The following RAB3GAP2 variants were observed in gnomAD, a reference collection of about 807,000 sequenced individuals.
RAB3GAP2 encodes rab3 GTPase-activating protein non-catalytic subunit.
In RAB3GAP2, 87 loss-of-function variants were observed where a neutral mutation model predicts 185.3. The observed-to-expected ratio is 0.47, with a 90% confidence interval of 0.39 to 0.56. The LOEUF (loss-of-function observed/expected upper bound fraction) is 0.56, where lower values mean the gene tolerates loss of function less well. Among genes scored for constraint, RAB3GAP2 ranks in the 20% least tolerant of loss-of-function variants. The pLI is 0.00. For missense variants in RAB3GAP2, 1,492 were observed against 1,638.2 expected, an observed-to-expected ratio of 0.91 and a Z score of 1.54; for synonymous variants, 554 against 576.1, an observed-to-expected ratio of 0.96 and a Z score of 0.55.
At chr1:220,251,557 G>A (rs1571929408) in intron 1 of RAB3GAP2, among the ~76,000 whole-genome samples, 1 of 152,238 alleles carries the variant, frequency 6.6e-6, no homozygotes, top group Middle Eastern at 3.4e-3. Context: ...ATTTTAAGAG[G>A]TATGAATTAA....
At position 220,182,838 on chromosome 1, in the gene RAB3GAP2, C is replaced by G; in HGVS notation, c.2092G>C (p.Val698Leu). The change falls in exon 20 of 35, where the codon GTT becomes CTT. Residue 698 changes from valine (V) to leucine (L), a missense_variant. Physicochemically the swap from Val to Leu is conservative, Grantham distance 32. Around this residue, in one of 5 missense-constraint regions of RAB3GAP2, gnomAD observed 681 missense variants for 689.1 expected, o/e 0.99. Transcript: ENST00000358951. ...KYKQENTRTN[V>L]RFSDDKDGVL... ...CCATCTTTATCATCAGAAAATCGAA[C>G]ATTTGTCCTGGTGTTCTCTTGCTTA... The G allele has an allele frequency of 1.2e-6, 2 of 1,613,532 alleles. No individual in the cohort carries two copies. Among genetic ancestry groups the G allele is most frequent in the Non-Finnish European group, 1.7e-6 (2 of 1,179,646 alleles).
At chr1:220,216,887 CTTT>C (rs1001916086) in intron 2 of RAB3GAP2, among the ~76,000 whole-genome samples, 1 of 147,842 alleles carries the variant, frequency 6.8e-6, no homozygotes, top group African/African-American at 2.5e-5. Flanking sequence ...AGTTGCTTTT[CTTT>C]TTTTTTTCAA....
intron 2 of RAB3GAP2, 56 bp from the exon 3 acceptor site, chr1:220,214,035 C>T (rs1053371586): frequency 2.5e-6 from 4 of 1,571,086 alleles, no homozygotes; most frequent in Non-Finnish European, 3.5e-6. Flanking sequence ...TATTCAAACT[C>T]AGCTTGCCTG....
At chr1:220,192,858 A>G (rs1312684101) in intron 13 of RAB3GAP2, among the ~76,000 whole-genome samples, 4 of 152,238 alleles carry the variant, frequency 2.6e-5, no homozygotes, top group Non-Finnish European at 4.4e-5. Flanking sequence ...CAAGTCAGTG[A>G]AGATGGGTTT....
intron 1 of RAB3GAP2, among the ~76,000 whole-genome samples, chr1:220,264,792 T>C (rs1015504650): frequency 5.3e-5 from 8 of 152,152 alleles, no homozygotes; most frequent in African/African-American, 1.9e-4. Context: ...ATGAAGACTT[T>C]CTGGGTTTCC....
intron 9 of RAB3GAP2, among the ~76,000 whole-genome samples, chr1:220,198,949 T>G (rs374583656): frequency 1.8e-3 from 267 of 152,302 alleles, no homozygotes; most frequent in African/African-American, 6.1e-3. Flanking sequence ...GCCATGTGAC[T>G]AGCTAAAGTT....
rs576038177 is a variant in RAB3GAP2, at chr1:220,260,728, C to T, written c.115+11495G>A. On this transcript the variant is annotated intron_variant, in intron 1 of 34. Transcript: ENST00000358951. Reference sequence around the variant, plus strand: ...ATATATAACAAACCTGCACATCCTACACATGCATCCCTGAACTTAAAAGTT... The same window carrying T: ...ATATATAACAAACCTGCACATCCTATACATGCATCCCTGAACTTAAAAGTT... Among the ~76,000 whole-genome samples the T allele has an allele frequency of 2.6e-5, 4 of 152,212 alleles. No individual in the cohort carries two copies. The East Asian group carries it at 5.8e-4, about 22-fold the overall frequency.
At position 220,151,741 on chromosome 1, in the gene RAB3GAP2, T is replaced by C. The variant is rs149415244; in HGVS notation, c.3891A>G (p.Lys1297=). The part of the protein sequence containing the change: ...GEEAILQVHD[K]EVLASQLLVL... ...CCAGCAGCTGAGAGGCAAGGACCTC[T>C]TTGTCATGAACCTGTAGAATGGCCT... is the stretch of plus-strand genomic sequence containing the variant. The change falls in exon 34 of 35, where the codon AAA becomes AAG. Residue 1297 remains lysine, a synonymous_variant. Coordinates refer to ENST00000358951, the MANE Select transcript of RAB3GAP2 (RefSeq NM_012414.4). 4.8e-5 allele frequency: 77 copies of C among 1,611,618 alleles called. No individual in the cohort carries two copies. In the East Asian group the frequency reaches 1.7e-3, roughly 35 times the overall value.
intron 12 of RAB3GAP2, 104 bp downstream of exon 12, chr1:220,194,974 G>C (rs896610095): frequency 2.1e-5 from 24 of 1,156,110 alleles, no homozygotes; most frequent in Admixed American, 3.4e-5. Flanking sequence ...GCTTTCAGAA[G>C]TTCCAAAGAC....
At chr1:220,259,252 C>A (rs1247229490) in intron 1 of RAB3GAP2, among the ~76,000 whole-genome samples, 2 of 152,008 alleles carry the variant, frequency 1.3e-5, no homozygotes, top group Admixed American at 6.6e-5. Context: ...CATATGGAAC[C>A]AAATAAGAGC....
rs1657693856 is a variant in RAB3GAP2 at position 220,149,254 on chromosome 1, A to G, written c.*1997T>C. The stretch of plus-strand genomic sequence containing the variant: ...TTAAAATTCTATGAAAAATTTTAGG[A>G]TAACAAATCTAACTAGAGACTTAAT... On this transcript the variant is annotated 3_prime_UTR_variant, in exon 35 of 35. Coordinates refer to ENST00000358951, the MANE Select transcript of RAB3GAP2 (RefSeq NM_012414.4). 1 of 152,186 alleles carries G rather than the reference A, an allele frequency of 6.6e-6. No individual in the cohort carries two copies. Among genetic ancestry groups the G allele is most frequent in the Non-Finnish European group, 1.5e-5 (1 of 68,026 alleles). The allele number at this position is 152,186 out of a possible 1,614,324, so 9.4% of individuals were successfully genotyped here.
intron 9 of RAB3GAP2, among the ~76,000 whole-genome samples, chr1:220,201,278 T>G (rs1053253228): frequency 4.6e-5 from 7 of 152,092 alleles, no homozygotes; most frequent in African/African-American, 1.7e-4. Flanking sequence ...ACTCTTGGGC[T>G]CAAGAGATCC....
rs1435000439 is a variant in RAB3GAP2 at position 220,158,757 on chromosome 1, AC to A, written c.3261+628del. Among the ~76,000 whole-genome samples the A allele has an allele frequency of 8.3e-6, 1 of 120,192 alleles. No individual in the cohort carries two copies. Among genetic ancestry groups the A allele is most frequent in the Non-Finnish European group, 1.6e-5 (1 of 62,580 alleles). The allele number at this position is 120,192 out of a possible 152,430, so 78.9% of individuals were successfully genotyped here. ...CGCCCTGCCATATAATCTTTTTAAA[AC>A]CAACAATCTTATAATTTCCTCACAT... On this transcript the variant is annotated intron_variant, in intron 29 of 34. Coordinates refer to ENST00000358951, the MANE Select transcript of RAB3GAP2 (RefSeq NM_012414.4). The surrounding 1 kb of genome is among the most constrained non-coding windows in gnomAD (Gnocchi z 4.3).
chr1:220,196,432 A>G, intron 9 of RAB3GAP2, 34 bp from the exon 10 acceptor site: 1 of 1,542,940 alleles, frequency 6.5e-7, no homozygotes, highest in Non-Finnish European at 9.0e-7. Flanking sequence ...TGAATGTACA[A>G]TGTTATTGCG....
At chr1:220,260,969 A>G (rs1021209358) in intron 1 of RAB3GAP2, among the ~76,000 whole-genome samples, 1 of 152,172 alleles carries the variant, frequency 6.6e-6, no homozygotes, top group Non-Finnish European at 1.5e-5. Context: ...ATATGTAGCT[A>G]GTGGCTACCA....
intron 28 of RAB3GAP2, among the ~76,000 whole-genome samples, chr1:220,160,452 G>C (rs1657944750): frequency 6.6e-6 from 1 of 152,140 alleles, no homozygotes; most frequent in African/African-American, 2.4e-5. Context: ...TAATTCCTCT[G>C]CTTAAAACTG....
At chr1:220,204,708 G>A (rs1452664010) in intron 8 of RAB3GAP2, among the ~76,000 whole-genome samples, 1 of 151,442 alleles carries the variant, frequency 6.6e-6, no homozygotes, top group Non-Finnish European at 1.5e-5. Context: ...TTAGCATTAG[G>A]TATATCTCCT....
intron 19 of RAB3GAP2, among the ~76,000 whole-genome samples, chr1:220,183,447 C>T (rs1196908919): frequency 4.6e-5 from 7 of 151,834 alleles, no homozygotes; most frequent in Non-Finnish European, 1.0e-4. Context: ...GAGGCAGGGT[C>T]CCACTATGTT....
intron 21 of RAB3GAP2, among the ~76,000 whole-genome samples, chr1:220,175,508 C>A (rs533682551): frequency 1.3e-5 from 2 of 152,128 alleles, no homozygotes; most frequent in Non-Finnish European, 2.9e-5. Flanking sequence ...TGAGCCACTG[C>A]GCCCGGCCGG....
Sources: gnomAD v4.1 joint callset for allele counts (sites outside exome capture counted in the v4.1 genomes callset) on GRCh38, gnomAD v4.1.1 for gene constraint, gnomAD v4.1.1 regional missense constraint, Gnocchi (gnomAD v3.1) non-coding constraint, MANE v1.5 for transcripts, NCBI Gene and HGNC (gene_info 2026-07-23, HGNC 2026-07-21) for gene names.